Variants in UBE2E2 observed in about 807,000 individuals in gnomAD.
UBE2E2 encodes the protein ubiquitin conjugating enzyme E2 E2.
A neutral mutation model predicts 24.7 loss-of-function variants in UBE2E2; 6 were observed. The observed-to-expected ratio is 0.24, with a 90% CI of 0.13 to 0.48. UBE2E2 has a LOEUF of 0.48. Ranked by LOEUF, UBE2E2 falls within the 20% of genes least tolerant of loss-of-function variation. The pLI is 0.99. For synonymous variants in UBE2E2, 104 were observed against 83.6 expected, an observed-to-expected ratio of 1.24 and a Z score of -1.33; for missense variants, 169 against 245.0, an observed-to-expected ratio of 0.69 and a Z score of 2.07.
chr3:23,270,359 C>T (rs901579775), intron 3 of UBE2E2, among the ~76,000 whole-genome samples: 3 of 152,074 alleles, frequency 2.0e-5, no homozygotes, highest in Non-Finnish European at 1.5e-5. Context: ...GCACAAAGGG[C>T]TTGGCTGATC....
At chr3:23,425,026 A>G (rs1471420829) in intron 3 of UBE2E2, among the ~76,000 whole-genome samples, 2 of 152,190 alleles carry the variant, frequency 1.3e-5, no homozygotes, top group Non-Finnish European at 2.9e-5. Context: ...TTAGTATAAT[A>G]AAGACTTTAA....
intron 4 of UBE2E2, among the ~76,000 whole-genome samples, chr3:23,524,849 T>TACACACAGACACACAGAC (rs1264577307): frequency 7.6e-6 from 1 of 132,364 alleles, no homozygotes; most frequent in African/African-American, 3.0e-5. Context: ...GAGATACAGA[T>TACACACAGACACACAGAC]ACACACAGAC....
chr3:23,569,048 T>TG (rs1696160560), intron 5 of UBE2E2, among the ~76,000 whole-genome samples: 1 of 150,276 alleles, frequency 6.7e-6, no homozygotes, highest in Non-Finnish European at 1.5e-5. Flanking sequence ...CTTGCAGCAT[T>TG]ATTTGTAATA....
chr3:23,304,290 A>G (rs546596703), intron 3 of UBE2E2, among the ~76,000 whole-genome samples: 4 of 152,204 alleles, frequency 2.6e-5, no homozygotes, highest in Non-Finnish European at 2.9e-5. Context: ...TTTTGATGTC[A>G]AAAACCACTG....
intron 3 of UBE2E2, among the ~76,000 whole-genome samples, chr3:23,478,691 C>T (rs971910171): frequency 2.6e-5 from 4 of 152,090 alleles, no homozygotes; most frequent in African/African-American, 9.7e-5. Context: ...AATCTGTTCT[C>T]ATTTGATCAT....
intron 3 of UBE2E2, among the ~76,000 whole-genome samples, chr3:23,462,450 A>T (rs936543145): frequency 3.3e-5 from 5 of 152,180 alleles, no homozygotes; most frequent in Admixed American, 1.3e-4. Context: ...CAGTCTTCAC[A>T]GGTGTATGAT....
At chr3:23,480,717 G>A (rs1269212406) in intron 3 of UBE2E2, among the ~76,000 whole-genome samples, 1 of 151,892 alleles carries the variant, frequency 6.6e-6, no homozygotes, top group African/African-American at 2.4e-5. Flanking sequence ...CTGTAAAATT[G>A]CTTAGTACAG....
Position 23,583,329 on chromosome 3 carries a change from T to C in UBE2E2, c.509-6405T>C, listed in dbSNP as rs928272426. On this transcript the variant is annotated intron_variant, in intron 5 of 5. Transcript: ENST00000396703. The surrounding 1 kb of genome is among the most constrained non-coding windows in gnomAD (Gnocchi z 4.1). ...CAGTATCATGCTGTTTTGGTTACTA[T>C]AGCCTTGTAGTATGCTTTGAAGTCA... 3.3e-5 allele frequency among the ~76,000 whole-genome samples: 5 copies of C among 152,250 alleles called. No individual in the cohort carries two copies. Among genetic ancestry groups the C allele is most frequent in the African/African-American group, 1.2e-4 (5 of 41,466 alleles).
chr3:23,275,553 A>G (rs1218238255), intron 3 of UBE2E2, among the ~76,000 whole-genome samples: 2 of 152,232 alleles, frequency 1.3e-5, no homozygotes, highest in African/African-American at 4.8e-5. Flanking sequence ...AAGATGATTT[A>G]TATTTTAAAA....
chr3:23,563,110 A>G (rs1219705306), intron 5 of UBE2E2, among the ~76,000 whole-genome samples: 1 of 152,058 alleles, frequency 6.6e-6, no homozygotes, highest in Non-Finnish European at 1.5e-5. Context: ...GCCTTCTGCT[A>G]GCTTTTGAAT....
At chr3:23,502,107 CTT>C (rs1699735433) in intron 4 of UBE2E2, among the ~76,000 whole-genome samples, 1 of 152,036 alleles carries the variant, frequency 6.6e-6, no homozygotes, top group African/African-American at 2.4e-5. Flanking sequence ...AACAAATACT[CTT>C]ATTATTAATA....
In UBE2E2 at chr3:23,331,511, G is replaced by C. The variant is rs559086564; in HGVS notation, c.227+114199G>C. ...GCTGTCAATGGATGGGGGCAGGGAG[G>C]GGGGTAAGGTGGTGATTTCAGATAG... On this transcript the variant is annotated intron_variant, in intron 3 of 5. Transcript: ENST00000396703. Among the ~76,000 whole-genome samples the C allele has an allele frequency of 9.0e-5, 13 of 144,584 alleles. No individual in the cohort carries two copies. The East Asian group carries it at 2.3e-3, about 26-fold the overall frequency. The allele number at this position is 144,584 out of a possible 152,430, so 94.9% of individuals were successfully genotyped here.
intron 3 of UBE2E2, among the ~76,000 whole-genome samples, chr3:23,268,639 A>G (rs1488335616): frequency 1.3e-5 from 2 of 148,598 alleles, no homozygotes; most frequent in Non-Finnish European, 3.0e-5. Flanking sequence ...AAGGTAATTT[A>G]TAGATTCAAT....
chr3:23,303,129 A>G (rs1442540155), intron 3 of UBE2E2, among the ~76,000 whole-genome samples: 1 of 152,092 alleles, frequency 6.6e-6, no homozygotes, highest in African/African-American at 2.4e-5. Context: ...TGAACTGTGC[A>G]TGTGAGGGAT....
intron 3 of UBE2E2, among the ~76,000 whole-genome samples, chr3:23,400,997 T>C (rs1697209086): frequency 6.6e-6 from 1 of 152,206 alleles, no homozygotes; most frequent in Non-Finnish European, 1.5e-5. Flanking sequence ...CTGTAGATAA[T>C]TAAAATGGAA....
chr3:23,564,097 G>T (rs959909888), intron 5 of UBE2E2, among the ~76,000 whole-genome samples: 1 of 151,994 alleles, frequency 6.6e-6, no homozygotes, highest in African/African-American at 2.4e-5. Flanking sequence ...GGTTATTTAA[G>T]CAGGGAAAAC....
At chr3:23,566,325 A>G (rs1461178392) in intron 5 of UBE2E2, among the ~76,000 whole-genome samples, 1 of 152,170 alleles carries the variant, frequency 6.6e-6, no homozygotes, top group African/African-American at 2.4e-5. Context: ...GCCAGTGGGG[A>G]TCTCATGGGG....
intron 4 of UBE2E2, among the ~76,000 whole-genome samples, chr3:23,510,471 G>A (rs1212860315): frequency 1.3e-5 from 2 of 152,070 alleles, no homozygotes; most frequent in Non-Finnish European, 2.9e-5. Flanking sequence ...GCCAGGCTTG[G>A]TGGCACACGC....
chr3:23,243,404 C>A (rs868619867), intron 3 of UBE2E2, among the ~76,000 whole-genome samples: 1 of 152,294 alleles, frequency 6.6e-6, no homozygotes, highest in Middle Eastern at 3.4e-3. Context: ...ATCTCTGAGC[C>A]TCAGTGTTCC....
Sources: allele counts gnomAD v4.1 joint callset (sites outside exome capture counted in the v4.1 genomes callset), GRCh38; gene constraint gnomAD v4.1.1; non-coding constraint Gnocchi (gnomAD v3.1); transcripts MANE v1.5; gene names NCBI Gene and HGNC (gene_info 2026-07-23, HGNC 2026-07-21).